The following MYO1E variants were observed in gnomAD, a reference collection of about 807,000 sequenced individuals.
MYO1E encodes myosin IE.
Under a neutral mutation model 151.1 loss-of-function variants are expected in MYO1E, and 68 were observed. The ratio of observed to expected loss-of-function variants is 0.45; its 90% CI spans 0.37 to 0.55. The LOEUF (loss-of-function observed/expected upper bound fraction) is 0.55, where lower values mean the gene tolerates loss of function less well. Among genes scored for constraint, MYO1E ranks in the 20% least tolerant of loss-of-function variants. The pLI, the probability that MYO1E is intolerant of heterozygous loss-of-function variation, is 0.00. For synonymous variants in MYO1E, 601 were observed against 501.7 expected, an observed-to-expected ratio of 1.20 and a Z score of -2.64; for missense variants, 1,363 against 1,389.3, an observed-to-expected ratio of 0.98 and a Z score of 0.30.
chr15:59,209,813 ACCTTTTTTTTTTT>A lies in MYO1E; in HGVS notation c.1362+688_1362+700del, dbSNP rs1471834756. On this transcript the variant is annotated intron_variant, in intron 13 of 27. Transcript: ENST00000288235. ...TTCTGTATCACTTTTATTTTGAATC[ACCTTTTTTTTTTT>A]TTTTTTTTTTTTTTTTTTTTTGAGA... 6.0e-4 allele frequency among the ~76,000 whole-genome samples: 43 copies of A among 71,184 alleles called. No homozygotes were observed. In the South Asian group the frequency reaches 7.1e-3, roughly 12 times the overall value. 46.7% of individuals were successfully genotyped at this position (71,184 alleles called of 152,430 possible).
intron 22 of MYO1E, among the ~76,000 whole-genome samples, chr15:59,169,962 C>T (rs192878966): frequency 3.9e-5 from 6 of 152,190 alleles, no homozygotes; most frequent in Admixed American, 6.5e-5. Context: ...GAGTTCAAGA[C>T]GAGCCTGGCC....
chr15:59,187,454 T>C (rs1259758989), intron 18 of MYO1E, among the ~76,000 whole-genome samples: 2 of 152,204 alleles, frequency 1.3e-5, no homozygotes, highest in African/African-American at 2.4e-5. Context: ...TTTAGATAAA[T>C]TGGAAGCCTC....
At chr15:59,346,338 C>A (rs2080794016) in intron 1 of MYO1E, among the ~76,000 whole-genome samples, 1 of 152,112 alleles carries the variant, frequency 6.6e-6, no homozygotes, top group African/African-American at 2.4e-5. Flanking sequence ...CGAATGACGG[C>A]CCCATAGCCC....
intron 1 of MYO1E, among the ~76,000 whole-genome samples, chr15:59,282,867 G>A (rs1192514086): frequency 1.7e-5 from 1 of 57,320 alleles, no homozygotes; most frequent in Admixed American, 1.8e-4. Context: ...GGAAAGGGAA[G>A]GGGGAGTGGG....
intron 1 of MYO1E, among the ~76,000 whole-genome samples, chr15:59,327,111 G>A (rs1021280263): frequency 2.6e-5 from 4 of 151,842 alleles, no homozygotes; most frequent in Non-Finnish European, 5.9e-5. Context: ...TCCCTTTATG[G>A]GTAAGGCGTT....
At chr15:59,237,910 G>C (rs1383612937) in intron 4 of MYO1E, among the ~76,000 whole-genome samples, 1 of 152,170 alleles carries the variant, frequency 6.6e-6, no homozygotes, top group Non-Finnish European at 1.5e-5. Context: ...GAATTTCCTT[G>C]AACTAATAAT....
intron 1 of MYO1E, among the ~76,000 whole-genome samples, chr15:59,354,206 C>T (rs946087054): frequency 1.3e-5 from 2 of 152,152 alleles, no homozygotes; most frequent in African/African-American, 4.8e-5. Context: ...ATAAACAAAA[C>T]AATTAAGCCA....
At position 59,202,420 on chromosome 15, in the gene MYO1E, A is replaced by C. The variant is rs2079807948; in HGVS notation, c.1617-13T>G. 2 of 1,610,246 alleles carry C rather than the reference A, an allele frequency of 1.2e-6. No homozygotes were observed. Among genetic ancestry groups the C allele is most frequent in the African/African-American group, 2.7e-5 (2 of 74,786 alleles). On this transcript the variant is annotated splice_polypyrimidine_tract_variant and intron_variant, in intron 15 of 27. Transcript: ENST00000288235. ...CTTTATGAAAGGCCTGGAAAAGGAG[A>C]AAGAGAATGAATTAACAATCTGTAA...
intron 1 of MYO1E, among the ~76,000 whole-genome samples, chr15:59,306,534 A>C (rs1472035123): frequency 1.3e-5 from 2 of 152,232 alleles, no homozygotes; most frequent in Non-Finnish European, 1.5e-5. Flanking sequence ...ATGGAGGAAA[A>C]TATATGCCTC....
chr15:59,254,037 A>G (rs1738071493), intron 4 of MYO1E, among the ~76,000 whole-genome samples: 1 of 151,952 alleles, frequency 6.6e-6, no homozygotes, highest in Non-Finnish European at 1.5e-5. Flanking sequence ...AAATAAACCA[A>G]CTATAAAAAA....
intron 12 of MYO1E, among the ~76,000 whole-genome samples, chr15:59,213,564 T>C (rs2079894426): frequency 6.6e-6 from 1 of 152,050 alleles, no homozygotes; most frequent in Non-Finnish European, 1.5e-5. Flanking sequence ...GCTCAAGCAA[T>C]CCTTTCACCT....
intron 10 of MYO1E, among the ~76,000 whole-genome samples, chr15:59,217,519 C>CTTTTT (rs1164320277): frequency 0.36 from 19,223 of 52,884 alleles, 4,049 homozygotes; most frequent in Middle Eastern, 0.56. Context: ...GTCGTTTTAC[C>CTTTTT]TTTTTTTTTT....
chr15:59,239,102 A>G (rs1270573254), intron 4 of MYO1E, among the ~76,000 whole-genome samples: 1 of 151,316 alleles, frequency 6.6e-6, no homozygotes, highest in Non-Finnish European at 1.5e-5. Flanking sequence ...GCTACTCAGG[A>G]GGCTGAGGCA....
chr15:59,228,186 A>C (rs781191865), intron 6 of MYO1E, among the ~76,000 whole-genome samples: 58 of 152,178 alleles, frequency 3.8e-4, no homozygotes, highest in Non-Finnish European at 7.5e-4. Flanking sequence ...CTAGGTTGTT[A>C]TATTAATTAT....
intron 2 of MYO1E, among the ~76,000 whole-genome samples, chr15:59,269,489 A>T (rs2080276894): frequency 2.0e-5 from 3 of 152,244 alleles, no homozygotes; most frequent in Admixed American, 6.5e-5. Context: ...GTCCGGATAA[A>T]GTAAGCATAT....
At chr15:59,206,517 C>T (rs12898305) in intron 14 of MYO1E, among the ~76,000 whole-genome samples, 47,789 of 152,112 alleles carry the variant, frequency 0.31, 7,956 homozygotes, top group East Asian at 0.56. Context: ...GCCACCAGTA[C>T]GCAAAGCATA....
chr15:59,164,980 C>T (rs1394388292), intron 22 of MYO1E, among the ~76,000 whole-genome samples: 1 of 152,122 alleles, frequency 6.6e-6, no homozygotes, highest in African/African-American at 2.4e-5. Flanking sequence ...GAGTGGTTTG[C>T]CCTTTCTGTC....
At position 59,338,952 on chromosome 15, in the gene MYO1E, C is replaced by T. The variant is rs1481754473; in HGVS notation, c.3+33546G>A. On this transcript the variant is annotated intron_variant, in intron 1 of 27. Coordinates refer to ENST00000288235, the MANE Select transcript of MYO1E (RefSeq NM_004998.4). ...TTCAAAACCAGCCTGGCCAACATGG[C>T]GAGACCTCATCTCTATTAAAAATAC... is the stretch of plus-strand genomic sequence containing the variant. Among the ~76,000 whole-genome samples the T allele has an allele frequency of 4.6e-5, 7 of 152,220 alleles. No individual in the cohort carries two copies. In the East Asian group the frequency reaches 1.2e-3, roughly 25 times the overall value.
intron 1 of MYO1E, among the ~76,000 whole-genome samples, chr15:59,345,092 C>G (rs1444102326): frequency 6.6e-6 from 1 of 152,088 alleles, no homozygotes; most frequent in Non-Finnish European, 1.5e-5. Context: ...ATCGGGTAGA[C>G]AGAAGAGCCA....
Sources: allele counts gnomAD v4.1 joint callset (sites outside exome capture counted in the v4.1 genomes callset), GRCh38; gene constraint gnomAD v4.1.1; transcripts MANE v1.5; gene names NCBI Gene and HGNC (gene_info 2026-07-23, HGNC 2026-07-21).